Variants in TIA1 observed in about 807,000 individuals in gnomAD.
TIA1 encodes the protein TIA1 cytotoxic granule associated RNA binding protein, also known as cytotoxic granule associated RNA binding protein TIA1.
A neutral mutation model predicts 65.9 loss-of-function variants in TIA1; 23 were observed. The observed-to-expected ratio is 0.35, with a 90% CI of 0.25 to 0.49. The LOEUF (loss-of-function observed/expected upper bound fraction) is 0.49. Among genes scored for constraint, TIA1 ranks in the 20% least tolerant of loss-of-function variants. The probability of loss-of-function intolerance (pLI) is 0.98; values close to 1 mark genes in which losing one functional copy is unlikely to be tolerated. For missense variants in TIA1, 371 were observed against 477.9 expected (o/e 0.78, Z 2.09); for synonymous variants, 147 against 149.4 (o/e 0.98, Z 0.12).
rs146171253 is a variant in TIA1 at position 70,246,739 on chromosome 2, A to G, written c.26+1666T>C. 1.7e-4 allele frequency among the ~76,000 whole-genome samples: 26 copies of G among 152,226 alleles called. No individual in the cohort carries two copies. The East Asian group carries it at 4.8e-3, about 28-fold the overall frequency. ...CATCTCTACTAAAAATACAAAAATT[A>G]GCCGGGCATGGTGGTGCCCGCATGT... On this transcript the variant is annotated intron_variant, in intron 1 of 12. Coordinates refer to ENST00000433529, the MANE Select transcript of TIA1 (RefSeq NM_022173.4).
At chr2:70,229,193 T>C in intron 4 of TIA1, 71 bp downstream of exon 4, 1 of 1,600,592 alleles carries the variant, frequency 6.2e-7, no homozygotes, top group Non-Finnish European at 8.6e-7. Flanking sequence ...ATGTATGATG[T>C]TTATAGGCTT....
Position 70,230,837 on chromosome 2 carries a change from G to T in TIA1, c.141C>A (p.Pro47=), listed in dbSNP as rs1327550207. ...GCTCATGAAACTCCACAAAACAATAGGGATCATTTCCAGCTGTCTGTGGGA... is the reference window on the plus strand; with the variant it reads ...GCTCATGAAACTCCACAAAACAATATGGATCATTTCCAGCTGTCTGTGGGA... The part of the protein sequence containing the change: ...KMIMDTAGND[P]YCFVEFHEHR... Residue 47 remains proline (P), a synonymous_variant, in exon 3 of 13, where the codon CCC becomes CCA. Coordinates refer to ENST00000433529, the MANE Select transcript of TIA1 (RefSeq NM_022173.4). 1 of 1,611,252 alleles carries T rather than the reference G, an allele frequency of 6.2e-7. No individual in the cohort carries two copies. The highest frequency in any genetic ancestry group is 2.2e-5 in the East Asian group (1 of 44,720).
intron 7 of TIA1, among the ~76,000 whole-genome samples, chr2:70,222,064 G>GC (rs1271566056): frequency 1.3e-5 from 2 of 151,966 alleles, no homozygotes; most frequent in Admixed American, 6.6e-5. Context: ...ACAGGTGTGA[G>GC]CCACTGTGCC....
chr2:70,237,605 C>G (rs1188963933), intron 1 of TIA1, among the ~76,000 whole-genome samples: 1 of 152,098 alleles, frequency 6.6e-6, no homozygotes, highest in African/African-American at 2.4e-5. Context: ...TGGCTCACAC[C>G]TGTAATCCCA....
chr2:70,209,865 A>G lies in TIA1; in HGVS notation c.*2854T>C, dbSNP rs1676053520. The G allele has an allele frequency of 2.5e-6, 1 of 396,660 alleles. No individual in the cohort carries two copies. The highest frequency in any genetic ancestry group is 4.4e-6 in the Non-Finnish European group (1 of 225,466). 24.6% of individuals were successfully genotyped at this position (396,660 alleles called of 1,614,324 possible). A position where few individuals can be genotyped will look rare whatever the true frequency, so the allele number is the denominator to read the frequency against. ...TTAGTAAACCTGTCTTTGTACATGC[A>G]ATCTAGTTCTTACCAACTGCCTTCT... is the stretch of plus-strand genomic sequence containing the variant. On this transcript the variant is annotated 3_prime_UTR_variant, in exon 13 of 13. Transcript: ENST00000433529.
intron 1 of TIA1, among the ~76,000 whole-genome samples, chr2:70,239,290 C>T (rs1690614169): frequency 6.6e-6 from 1 of 152,116 alleles, no homozygotes; most frequent in South Asian, 2.1e-4. Flanking sequence ...GATGGGGTTT[C>T]ACCATGTTAG....
chr2:70,216,890 A>G lies in TIA1; in HGVS notation c.579T>C (p.Tyr193=), dbSNP rs1211665479. 5 of 1,614,072 alleles carry G rather than the reference A, an allele frequency of 3.1e-6. No homozygotes were observed. In the Admixed American group the frequency reaches 5.0e-5, roughly 16 times the overall value. Residue 193 remains tyrosine, a synonymous_variant, in exon 8 of 13, where the codon TAT becomes TAC. Coordinates refer to ENST00000433529, the MANE Select transcript of TIA1 (RefSeq NM_022173.4). ...TTTCTTCTCCAATACACCTACACTC[A>G]TATGTACTCTTTGGAGCGGGAGGCT... ...TRKPPAPKST[Y]ESNTKQLSYD...
intron 7 of TIA1, among the ~76,000 whole-genome samples, chr2:70,220,392 G>C (rs1680739795): frequency 6.6e-6 from 1 of 152,094 alleles, no homozygotes; most frequent in Non-Finnish European, 1.5e-5. Context: ...CTGGGTGACA[G>C]AGTGAGGTCC....
rs757658310 is a variant in TIA1 at position 70,236,088 on chromosome 2, C to A, written c.114G>T (p.Met38Ile). ...SQIGPCKNCK[M>I]IMDTAGNDPY... ...AGTAAAATACCCTTACATCCATAAT[C>A]ATTTTGCAGTTTTTACAAGGTCCAA... Residue 38 changes from methionine (M) to isoleucine (I), a missense_variant, in exon 2 of 13, where the codon ATG becomes ATT. Met to Ile is a conservative substitution (Grantham distance 10, BLOSUM62 1). Transcript: ENST00000433529. The A allele has an allele frequency of 1.3e-6, 2 of 1,590,622 alleles. No individual in the cohort carries two copies. Among genetic ancestry groups the A allele is most frequent in the East Asian group, 2.2e-5 (1 of 44,560 alleles).
chr2:70,215,574 G>A, intron 10 of TIA1, 80 bp from the exon 11 acceptor site: 1 of 1,337,824 alleles, frequency 7.5e-7, no homozygotes, highest in Non-Finnish European at 1.0e-6. Flanking sequence ...AAAAATCAAG[G>A]TGAGTCTGAG....
chr2:70,232,432 C>A (rs146906534), intron 2 of TIA1, among the ~76,000 whole-genome samples: 9,051 of 141,688 alleles, frequency 0.064, 340 homozygotes, highest in East Asian at 0.19. Flanking sequence ...CCCAGCTACT[C>A]GGGAGGCTGA....
In TIA1 at chr2:70,236,887, C is replaced by T. The variant is rs988974284; in HGVS notation, c.27-712G>A. 2.0e-5 allele frequency among the ~76,000 whole-genome samples: 3 copies of T among 152,212 alleles called. No homozygotes were observed. In the South Asian group the frequency reaches 6.2e-4, roughly 31 times the overall value. On this transcript the variant is annotated intron_variant, in intron 1 of 12. Coordinates refer to ENST00000433529, the MANE Select transcript of TIA1 (RefSeq NM_022173.4). ...AAGCGATCTGCCTGCCTTGGCCTCC[C>T]AAAGTGTAATCTTAAAGATTACAGG...
chr2:70,248,589 G>A lies in TIA1; in HGVS notation c.-159C>T, dbSNP rs754753476. 5.0e-5 allele frequency: 52 copies of A among 1,031,356 alleles called. No individual in the cohort carries two copies. Among genetic ancestry groups the A allele is most frequent in the African/African-American group, 3.5e-4 (22 of 62,932 alleles). The allele number at this position is 1,031,356 out of a possible 1,614,324, so 63.9% of individuals were successfully genotyped here. A position where few individuals can be genotyped will look rare whatever the true frequency, so the allele number is the denominator to read the frequency against. On this transcript the variant is annotated 5_prime_UTR_variant, in exon 1 of 13. Transcript: ENST00000433529. ...GGCGGCAATTACACTAAACCGCCCG[G>A]CCCAGCGGGAACAATGAAACCCCAA...
At chr2:70,241,858 A>G (rs1691930802) in intron 1 of TIA1, among the ~76,000 whole-genome samples, 2 of 151,660 alleles carry the variant, frequency 1.3e-5, no homozygotes, top group African/African-American at 4.8e-5. Flanking sequence ...GTGAACAATG[A>G]TTGTGCCACT....
At chr2:70,228,291 C>T (rs950451743) in intron 5 of TIA1, 16 of 1,246,040 alleles carry the variant, frequency 1.3e-5, no homozygotes, top group Admixed American at 2.8e-5. Context: ...AAGCTAGCTA[C>T]ATGATATATA....
At chr2:70,212,994 T>C (rs1676928092) in intron 12 of TIA1, 149 bp from the exon 13 acceptor site, 2 of 592,882 alleles carry the variant, frequency 3.4e-6, no homozygotes, top group Admixed American at 3.0e-5. Flanking sequence ...CTAGGGAAAA[T>C]GAAATCTTTT....
chr2:70,243,578 G>C (rs917701911), intron 1 of TIA1, among the ~76,000 whole-genome samples: 1 of 152,150 alleles, frequency 6.6e-6, no homozygotes, highest in Non-Finnish European at 1.5e-5. Context: ...TGCCTTACTA[G>C]TTGGGACCTC....
In TIA1 at chr2:70,210,407, A is replaced by T. The variant is rs1020602413; in HGVS notation, c.*2312T>A. The T allele has an allele frequency of 1.3e-5, 2 of 152,202 alleles. No individual in the cohort carries two copies. The highest frequency in any genetic ancestry group is 4.8e-5 in the African/African-American group (2 of 41,444). The allele number at this position is 152,202 out of a possible 1,614,324, so 9.4% of individuals were successfully genotyped here. ...TAATACCAGTATGATTTTTAGACGG[A>T]AAAACTAAGAGTAAGATTTAAACCA... On this transcript the variant is annotated 3_prime_UTR_variant, in exon 13 of 13. Coordinates refer to ENST00000433529, the MANE Select transcript of TIA1 (RefSeq NM_022173.4).
At chr2:70,225,443 C>T (rs1426757097) in intron 6 of TIA1, 14 of 1,282,422 alleles carry the variant, frequency 1.1e-5, no homozygotes, top group Middle Eastern at 2.1e-4. Context: ...AAAACCCAGC[C>T]ATGATAGCTA....
Sources: gnomAD v4.1 joint callset for allele counts (sites outside exome capture counted in the v4.1 genomes callset) on GRCh38, gnomAD v4.1.1 for gene constraint, MANE v1.5 for transcripts, NCBI Gene and HGNC (gene_info 2026-07-23, HGNC 2026-07-21) for gene names.